CCDC181: variants seen among roughly 807,000 people sequenced by gnomAD.
CCDC181 encodes coiled-coil domain-containing protein 181.
Under a neutral mutation model 58.7 loss-of-function variants are expected in CCDC181, and 35 were observed. The observed-to-expected ratio is 0.60, with a 90% CI of 0.46 to 0.79. CCDC181 has a LOEUF of 0.79. Among genes scored for constraint, CCDC181 ranks in the 30% least tolerant of loss-of-function variants. CCDC181 has a pLI of 0.00. For missense variants in CCDC181, 517 were observed against 583.9 expected (o/e 0.89, Z 1.18); for synonymous variants, 183 against 197.5 (o/e 0.93, Z 0.62).
chr1:169,400,989 T>C (rs2003653), intron 4 of CCDC181, among the ~76,000 whole-genome samples: 101,639 of 152,012 alleles, frequency 0.67, 34,193 homozygotes, highest in East Asian at 0.93. Flanking sequence ...AAACGGCACA[T>C]CAGAAGATTA....
chr1:169,406,436 G>A (rs1655660601), intron 4 of CCDC181, among the ~76,000 whole-genome samples: 1 of 152,158 alleles, frequency 6.6e-6, no homozygotes, highest in Admixed American at 6.5e-5. Flanking sequence ...AGTAAATGTT[G>A]CACATATACA....
chr1:169,399,590 A>C (rs1655229719), intron 4 of CCDC181, among the ~76,000 whole-genome samples: 1 of 152,212 alleles, frequency 6.6e-6, no homozygotes, highest in Non-Finnish European at 1.5e-5. Context: ...AAAATAAAAA[A>C]TTCTAAAGAT....
chr1:169,418,598 T>C (rs1656316952), intron 4 of CCDC181, among the ~76,000 whole-genome samples: 1 of 151,976 alleles, frequency 6.6e-6, no homozygotes, highest in African/African-American at 2.4e-5. Context: ...TTTTCTGTTT[T>C]AGTTTTTTTA....
intron 2 of CCDC181, among the ~76,000 whole-genome samples, chr1:169,434,551 G>T (rs988414880): frequency 1.3e-5 from 2 of 152,024 alleles, no homozygotes; most frequent in Admixed American, 1.3e-4. Context: ...ATTGACAGAT[G>T]AATGGATAAG....
At chr1:169,431,679 C>A (rs1329344498), upstream of CCDC181, among the ~76,000 whole-genome samples, 2 of 152,114 alleles carry the variant, frequency 1.3e-5, no homozygotes, top group East Asian at 3.9e-4. Flanking sequence ...TCTACCCAAC[C>A]CCAAACCCCA....
chr1:169,397,506 G>T, intron 4 of CCDC181, 115 bp from the exon 5 acceptor site: 1 of 890,054 alleles, frequency 1.1e-6, no homozygotes, highest in Non-Finnish European at 1.6e-6. Context: ...TCATAATAAT[G>T]CCAGCCTCAT....
intron 4 of CCDC181, among the ~76,000 whole-genome samples, chr1:169,410,471 TAGAC>T (rs1464313199): frequency 2.0e-5 from 3 of 152,250 alleles, no homozygotes; most frequent in Admixed American, 1.3e-4. Flanking sequence ...CTGTCAATAT[TAGAC>T]AGATCGACAA....
intron 4 of CCDC181, among the ~76,000 whole-genome samples, chr1:169,412,853 C>A (rs1387331821): frequency 6.6e-6 from 1 of 152,178 alleles, no homozygotes; most frequent in African/African-American, 2.4e-5. Flanking sequence ...CCCTTCCTTA[C>A]ATCTTATACA....
At chr1:169,442,277 T>C (rs1266298349) in intron 2 of CCDC181, among the ~76,000 whole-genome samples, 1 of 152,054 alleles carries the variant, frequency 6.6e-6, no homozygotes, top group Non-Finnish European at 1.5e-5. Context: ...ACTGTTTTTA[T>C]ATATTTGGAA....
intron 2 of CCDC181, among the ~76,000 whole-genome samples, chr1:169,445,579 G>A (rs960658889): frequency 1.3e-5 from 2 of 152,140 alleles, no homozygotes; most frequent in Non-Finnish European, 2.9e-5. Context: ...GTTCATGAGA[G>A]ATCAGAGTCT....
chr1:169,412,508 G>T (rs1329705962), intron 4 of CCDC181, among the ~76,000 whole-genome samples: 1 of 152,076 alleles, frequency 6.6e-6, no homozygotes, highest in African/African-American at 2.4e-5. Flanking sequence ...GTTCTTCACA[G>T]AATTAGAAAA....
chr1:169,453,720 A>G (rs1056549863), intron 2 of CCDC181, among the ~76,000 whole-genome samples: 1 of 133,574 alleles, frequency 7.5e-6, no homozygotes, highest in East Asian at 2.6e-4. Context: ...ACATCTACAC[A>G]TAATTCTTTT....
At chr1:169,423,601 GC>G (rs1656588983) in intron 2 of CCDC181, among the ~76,000 whole-genome samples, 1 of 151,988 alleles carries the variant, frequency 6.6e-6, no homozygotes. Flanking sequence ...TTTTATTCCT[GC>G]TATATATATC....
At chr1:169,437,644 T>C (rs1029447425) in intron 2 of CCDC181, among the ~76,000 whole-genome samples, 13 of 152,186 alleles carry the variant, frequency 8.5e-5, no homozygotes, top group Admixed American at 3.9e-4. Flanking sequence ...TTCCTGCTGA[T>C]CAGGGGCATA....
chr1:169,419,036 C>T lies in CCDC181; in HGVS notation c.1192G>A (p.Glu398Lys), dbSNP rs1656339404. The T allele has an allele frequency of 6.2e-7, 1 of 1,613,544 alleles. No homozygotes were observed. Among genetic ancestry groups the T allele is most frequent in the East Asian group, 2.2e-5 (1 of 44,828 alleles). Residue 398 changes from glutamate (E) to lysine (K), a missense_variant, in exon 4 of 6, where the codon GAA becomes AAA. Coordinates refer to ENST00000367806, the MANE Select transcript of CCDC181 (RefSeq NM_001300969.2). ...LEMRRIQRAKEIEDMNSRQEN... is the reference protein window; with the variant it reads ...LEMRRIQRAKKIEDMNSRQEN... Reference sequence around the variant, plus strand: ...ACTCTACTGTTCATGTCTTCAATTTCCTTTGCTCGCTGAATTCTCCTCATT... The same window carrying T: ...ACTCTACTGTTCATGTCTTCAATTTTCTTTGCTCGCTGAATTCTCCTCATT...
chr1:169,402,001 C>T (rs373060554), intron 4 of CCDC181, among the ~76,000 whole-genome samples: 11 of 152,064 alleles, frequency 7.2e-5, no homozygotes, highest in South Asian at 4.2e-4. Flanking sequence ...AAGAACTACG[C>T]GATGCATGCA....
At chr1:169,406,110 C>A (rs1195123144) in intron 4 of CCDC181, among the ~76,000 whole-genome samples, 1 of 152,166 alleles carries the variant, frequency 6.6e-6, no homozygotes, top group Non-Finnish European at 1.5e-5. Flanking sequence ...CCATCTCACA[C>A]CAGTTAGAAT....
At chr1:169,450,078 A>C (rs1657493226) in intron 2 of CCDC181, among the ~76,000 whole-genome samples, 1 of 152,168 alleles carries the variant, frequency 6.6e-6, no homozygotes, top group African/African-American at 2.4e-5. Context: ...CTTATGATTA[A>C]ATTTCAATTT....
chr1:169,420,266 G>A (rs558203368), intron 3 of CCDC181, among the ~76,000 whole-genome samples: 1 of 152,234 alleles, frequency 6.6e-6, no homozygotes, highest in South Asian at 2.1e-4. Flanking sequence ...TTTTATACCT[G>A]AATCAAGTAA....
Sources: allele counts gnomAD v4.1 joint callset (sites outside exome capture counted in the v4.1 genomes callset), GRCh38; gene constraint gnomAD v4.1.1; transcripts MANE v1.5; gene names NCBI Gene and HGNC (gene_info 2026-07-23, HGNC 2026-07-21).